The following CLYBL variants were observed in gnomAD, a reference collection of about 807,000 sequenced individuals.
CLYBL encodes the protein citramalyl-CoA lyase, mitochondrial.
In CLYBL, 31 loss-of-function variants were observed where a neutral mutation model predicts 38.9. That is an observed-to-expected ratio of 0.80 (90% CI 0.60 to 1.08). The LOEUF is 1.08. CLYBL is among the 50% of genes least tolerant of loss of function. The pLI, the probability that CLYBL is intolerant of heterozygous loss-of-function variation, is 0.00. For missense variants in CLYBL, 434 were observed against 411.6 expected, an observed-to-expected ratio of 1.05 and a Z score of -0.47; for synonymous variants, 171 against 158.6, an observed-to-expected ratio of 1.08 and a Z score of -0.59.
At chr13:99,716,675 C>T (rs1379633213) in intron 1 of CLYBL, among the ~76,000 whole-genome samples, 11 of 151,806 alleles carry the variant, frequency 7.2e-5, no homozygotes, top group Admixed American at 1.3e-4. Flanking sequence ...TGAGCCACCA[C>T]GCCCAGCCTA....
intron 1 of CLYBL, among the ~76,000 whole-genome samples, chr13:99,731,231 A>T (rs936153892): frequency 6.6e-6 from 1 of 152,098 alleles, no homozygotes; most frequent in Non-Finnish European, 1.5e-5. Flanking sequence ...GTATGGTCAA[A>T]ATTGAAGTAG....
At chr13:99,715,754 G>T (rs2048302810) in intron 1 of CLYBL, among the ~76,000 whole-genome samples, 1 of 152,132 alleles carries the variant, frequency 6.6e-6, no homozygotes, top group African/African-American at 2.4e-5. Context: ...CCAGAGTCCT[G>T]TGGTAGAAAT....
intron 2 of CLYBL, among the ~76,000 whole-genome samples, chr13:99,851,354 T>G (rs1594221338): frequency 1.0e-5 from 1 of 96,226 alleles, no homozygotes; most frequent in African/African-American, 4.3e-5. Context: ...GCAACAAGAG[T>G]GAAAGTCCAC....
At chr13:99,608,394 T>G (rs551779988) in intron 1 of CLYBL, among the ~76,000 whole-genome samples, 1 of 152,326 alleles carries the variant, frequency 6.6e-6, no homozygotes, top group Admixed American at 6.5e-5. Flanking sequence ...TTCTTACGTC[T>G]TCTTGCACTG....
At chr13:99,637,962 C>CTTTTTTTTTTTTTTTTT (rs34513643) in intron 1 of CLYBL, among the ~76,000 whole-genome samples, 1 of 95,002 alleles carries the variant, frequency 1.1e-5, no homozygotes, top group African/African-American at 3.9e-5. Flanking sequence ...TCAACAGTGC[C>CTTTTTTTTTTTTTTTTT]TTTTTTTTTT....
At chr13:99,668,876 A>G (rs1042379081) in intron 1 of CLYBL, among the ~76,000 whole-genome samples, 11 of 152,132 alleles carry the variant, frequency 7.2e-5, no homozygotes, top group Non-Finnish European at 1.3e-4. Context: ...GTGTTAATCT[A>G]GGTGAAGAGT....
intron 7 of CLYBL, among the ~76,000 whole-genome samples, chr13:99,873,946 A>G (rs773348906): frequency 1.3e-5 from 2 of 151,758 alleles, no homozygotes; most frequent in South Asian, 2.1e-4. Flanking sequence ...TTGGTTGACA[A>G]TCACTTTACA....
chr13:99,625,199 G>A (rs570319018), intron 1 of CLYBL, among the ~76,000 whole-genome samples: 3 of 152,344 alleles, frequency 2.0e-5, no homozygotes, highest in East Asian at 3.9e-4. Context: ...TGAGGACCAG[G>A]CACCATGTTT....
intron 2 of CLYBL, among the ~76,000 whole-genome samples, chr13:99,782,996 G>A (rs532066125): frequency 6.6e-6 from 1 of 151,960 alleles, no homozygotes; most frequent in African/African-American, 2.4e-5. Context: ...CTTCAATTGT[G>A]TCTAATCCGT....
chr13:99,822,892 T>C (rs1372231202), intron 2 of CLYBL, among the ~76,000 whole-genome samples: 14 of 152,236 alleles, frequency 9.2e-5, no homozygotes, highest in Admixed American at 9.2e-4. Context: ...GGTCAGACTG[T>C]TATTTCTTGA....
chr13:99,754,416 C>CCAAAAAAAAA (rs1454742490), intron 1 of CLYBL, among the ~76,000 whole-genome samples: 3 of 71,882 alleles, frequency 4.2e-5, no homozygotes, highest in Admixed American at 1.6e-4. Flanking sequence ...GACCCTGTCT[C>CCAAAAAAAAA]AAAAAAAAAA....
At chr13:99,729,254 A>G (rs536041325) in intron 1 of CLYBL, among the ~76,000 whole-genome samples, 1 of 152,370 alleles carries the variant, frequency 6.6e-6, no homozygotes, top group South Asian at 2.1e-4. Flanking sequence ...GTCGGTGACC[A>G]ACAGATGTAC....
intron 1 of CLYBL, among the ~76,000 whole-genome samples, chr13:99,618,459 G>A (rs369688415): frequency 3.3e-5 from 5 of 151,884 alleles, no homozygotes; most frequent in South Asian, 2.1e-4. Context: ...TAGTAGAGAC[G>A]GGGTTTCACC....
chr13:99,607,466 A>G (rs2046545511), intron 1 of CLYBL, among the ~76,000 whole-genome samples: 1 of 152,188 alleles, frequency 6.6e-6, no homozygotes, highest in South Asian at 2.1e-4. Flanking sequence ...AGGGAGGACC[A>G]AGCAGACCCT....
chr13:99,848,587 T>C (rs747870435), intron 2 of CLYBL, among the ~76,000 whole-genome samples: 121 of 152,150 alleles, frequency 8.0e-4, no homozygotes, highest in Admixed American at 1.8e-3. Flanking sequence ...ACCAGATGAG[T>C]GATTGTGTTT....
At chr13:99,617,998 C>T (rs2046738948) in intron 1 of CLYBL, among the ~76,000 whole-genome samples, 1 of 152,172 alleles carries the variant, frequency 6.6e-6, no homozygotes, top group South Asian at 2.1e-4. Context: ...TCATTTTTTC[C>T]TATTGCCCCA....
At chr13:99,839,458 T>C (rs7319505) in intron 2 of CLYBL, among the ~76,000 whole-genome samples, 116,518 of 152,170 alleles carry the variant, frequency 0.77, 45,367 homozygotes, top group East Asian at 0.93. Context: ...CTATGAAGAC[T>C]CTTCCCAACT....
chr13:99,796,294 G>T (rs966074288), intron 2 of CLYBL, among the ~76,000 whole-genome samples: 3 of 152,116 alleles, frequency 2.0e-5, no homozygotes, highest in Admixed American at 2.0e-4. Context: ...TTTGGCTGGA[G>T]GACAGTGGCC....
intron 2 of CLYBL, among the ~76,000 whole-genome samples, chr13:99,821,518 G>A (rs1288907995): frequency 6.6e-6 from 1 of 152,018 alleles, no homozygotes; most frequent in African/African-American, 2.4e-5. Flanking sequence ...TCTGTGAAGG[G>A]CATAGCCAAG....
Sources: allele counts gnomAD v4.1 joint callset (sites outside exome capture counted in the v4.1 genomes callset), GRCh38; gene constraint gnomAD v4.1.1; transcripts MANE v1.5; gene names NCBI Gene and HGNC (gene_info 2026-07-23, HGNC 2026-07-21).